The following FGF14 variants were observed in gnomAD, a reference collection of about 807,000 sequenced individuals.
FGF14 encodes the protein fibroblast growth factor 14, also known as fibroblast growth factor homologous factor 4.
Under a neutral mutation model 25.5 loss-of-function variants are expected in FGF14, and 5 were observed. The observed-to-expected ratio is 0.20, with a 90% CI of 0.10 to 0.41. The LOEUF is 0.41. Ranked by LOEUF, FGF14 falls within the 10% of genes least tolerant of loss-of-function variation. The probability of loss-of-function intolerance (pLI) is 1.00; values close to 1 mark genes in which losing one functional copy is unlikely to be tolerated. For synonymous variants in FGF14, 138 were observed against 118.3 expected (o/e 1.17, Z -1.08); for missense variants, 222 against 320.1 (o/e 0.69, Z 2.34).
intron 3 of FGF14, among the ~76,000 whole-genome samples, chr13:101,764,940 G>A (rs576511531): frequency 2.0e-5 from 3 of 152,256 alleles, no homozygotes; most frequent in East Asian, 1.9e-4. Flanking sequence ...GGTTGAATAC[G>A]AAAATCACTC....
intron 1 of FGF14, among the ~76,000 whole-genome samples, chr13:101,993,603 A>G (rs2039021019): frequency 6.6e-6 from 1 of 152,112 alleles, no homozygotes; most frequent in Non-Finnish European, 1.5e-5. Context: ...CTTGCACTAC[A>G]CAATAAGCAG....
chr13:102,023,020 A>T lies in FGF14; in HGVS notation c.209-147724T>A, dbSNP rs146240446. 2.9e-3 allele frequency among the ~76,000 whole-genome samples: 443 copies of T among 150,252 alleles called. 3 individuals carry two copies. The highest frequency in any genetic ancestry group is 0.011 in the African/African-American group (430 of 40,916). On this transcript the variant is annotated intron_variant, in intron 1 of 4. Coordinates refer to the FGF14 transcript ENST00000376131. ...ATTTACAGTCAATTAGGAAAACTGT[A>T]CAAAAGTAGTAAAATATTTTCGGAC...
At chr13:102,397,181 C>T (rs1325946257) in intron 1 of FGF14, among the ~76,000 whole-genome samples, 1 of 152,116 alleles carries the variant, frequency 6.6e-6, no homozygotes, top group East Asian at 1.9e-4. Flanking sequence ...TTCCTATTTT[C>T]TCACTTCCAA....
chr13:101,940,141 C>G (rs1156481141), intron 1 of FGF14, among the ~76,000 whole-genome samples: 1 of 152,172 alleles, frequency 6.6e-6, no homozygotes, highest in Non-Finnish European at 1.5e-5. Context: ...CAGTAAATCC[C>G]TAGTTGTATC....
At chr13:102,391,782 G>A (rs1395634893) in intron 1 of FGF14, among the ~76,000 whole-genome samples, 1 of 152,178 alleles carries the variant, frequency 6.6e-6, no homozygotes. Flanking sequence ...AAATGCTAAG[G>A]CCAAATGATG....
At chr13:102,103,092 T>C (rs2044736426) in intron 1 of FGF14, among the ~76,000 whole-genome samples, 1 of 152,060 alleles carries the variant, frequency 6.6e-6, no homozygotes, top group African/African-American at 2.4e-5. Context: ...CAAAACCTGA[T>C]GAAATTTGCT....
chr13:101,769,980 G>A (rs1424172516), intron 3 of FGF14, among the ~76,000 whole-genome samples: 1 of 152,130 alleles, frequency 6.6e-6, no homozygotes, highest in East Asian at 1.9e-4. Context: ...GATGCATCAT[G>A]TAGGTTCATC....
At chr13:102,235,517 C>T (rs1357588219) in intron 1 of FGF14, among the ~76,000 whole-genome samples, 3 of 152,122 alleles carry the variant, frequency 2.0e-5, no homozygotes, top group Non-Finnish European at 4.4e-5. Context: ...TTAGCTGATT[C>T]GTGCGCACCT....
chr13:101,734,347 A>T (rs1328351), intron 3 of FGF14, among the ~76,000 whole-genome samples: 2,184 of 152,336 alleles, frequency 0.014, 62 homozygotes, highest in African/African-American at 0.05. Flanking sequence ...AAGCAAGAAA[A>T]TAGAAACAAA....
At chr13:102,034,134 G>T (rs1419025257) in intron 1 of FGF14, among the ~76,000 whole-genome samples, 1 of 152,100 alleles carries the variant, frequency 6.6e-6, no homozygotes, top group African/African-American at 2.4e-5. Flanking sequence ...AATACAAAAG[G>T]AGAGAATGTT....
chr13:102,388,208 T>C (rs914615023), intron 1 of FGF14, among the ~76,000 whole-genome samples: 1 of 152,200 alleles, frequency 6.6e-6, no homozygotes, highest in Non-Finnish European at 1.5e-5. Context: ...TTGTTCAGTG[T>C]ATCTTGAAGA....
intron 1 of FGF14, among the ~76,000 whole-genome samples, chr13:101,891,847 T>G (rs1279808127): frequency 6.6e-6 from 1 of 152,154 alleles, no homozygotes; most frequent in Admixed American, 6.5e-5. Context: ...TAGTAGTAAA[T>G]AATCACACAG....
chr13:102,070,956 A>C (rs1595173339), intron 1 of FGF14, among the ~76,000 whole-genome samples: 2 of 148,782 alleles, frequency 1.3e-5, no homozygotes, highest in Non-Finnish European at 3.0e-5. Flanking sequence ...AACAAAACAA[A>C]ACACACACAC....
chr13:102,248,329 C>T (rs550741132), intron 1 of FGF14, among the ~76,000 whole-genome samples: 1 of 152,084 alleles, frequency 6.6e-6, no homozygotes, highest in African/African-American at 2.4e-5. Context: ...AAATATTGTC[C>T]CTTTCTTTTT....
chr13:101,964,455 G>A (rs1310489001), intron 1 of FGF14, among the ~76,000 whole-genome samples: 1 of 152,170 alleles, frequency 6.6e-6, no homozygotes, highest in Non-Finnish European at 1.5e-5. Context: ...ATGAAGAACA[G>A]CCTGCTTTGC....
chr13:101,861,734 G>A (rs1050969564), intron 3 of FGF14, among the ~76,000 whole-genome samples: 2 of 151,944 alleles, frequency 1.3e-5, no homozygotes, highest in South Asian at 2.1e-4. Flanking sequence ...ATACACACAC[G>A]CACATTATCC....
intron 1 of FGF14, among the ~76,000 whole-genome samples, chr13:102,054,486 G>T (rs1432087260): frequency 6.6e-6 from 1 of 152,144 alleles, no homozygotes; most frequent in Non-Finnish European, 1.5e-5. Context: ...CAGAATTACT[G>T]TCAGGATTAG....
Position 102,274,903 on chromosome 13 carries a change from A to ATTT in FGF14, c.208+126567_208+126568insAAA, listed in dbSNP as rs1482452231. ...TACTCGTCATTATTTAATAAATAAT[A>ATTT]AATAATTATTTATTAAATAATGACG... On this transcript the variant is annotated intron_variant, in intron 1 of 4. Transcript: ENST00000376131. 5.2e-4 allele frequency among the ~76,000 whole-genome samples: 79 copies of ATTT among 151,350 alleles called. No homozygotes were observed. In the Middle Eastern group the frequency reaches 0.017, roughly 33 times the overall value.
At chr13:102,105,032 T>G (rs955078857) in intron 1 of FGF14, among the ~76,000 whole-genome samples, 1 of 152,182 alleles carries the variant, frequency 6.6e-6, no homozygotes. Context: ...ATATGACTTA[T>G]GCAAAGGAAA....
Sources: gnomAD v4.1 joint callset for allele counts (sites outside exome capture counted in the v4.1 genomes callset) on GRCh38, gnomAD v4.1.1 for gene constraint, MANE v1.5 for transcripts, NCBI Gene and HGNC (gene_info 2026-07-23, HGNC 2026-07-21) for gene names.